The following TACC2 variants were observed in gnomAD, a reference collection of about 807,000 sequenced individuals.
The protein encoded by TACC2 is transforming acidic coiled-coil-containing protein 2.
TACC2 carries 137 observed loss-of-function variants against 227.3 expected under a neutral mutation model. That is an observed-to-expected ratio of 0.60 (90% CI 0.52 to 0.69). TACC2 has a LOEUF of 0.69. Ranked by LOEUF, TACC2 falls within the 30% of genes least tolerant of loss-of-function variation. The pLI is 0.00. For synonymous variants in TACC2, 1,523 were observed against 1,487.5 expected, an observed-to-expected ratio of 1.02 and a Z score of -0.55; for missense variants, 3,470 against 3,694.4, an observed-to-expected ratio of 0.94 and a Z score of 1.57.
At chr10:122,125,123 C>T (rs1245878975) in intron 5 of TACC2, among the ~76,000 whole-genome samples, 1 of 152,154 alleles carries the variant, frequency 6.6e-6, no homozygotes, top group African/African-American at 2.4e-5. Context: ...AAAGCATGTG[C>T]CATGCTCTAT....
intron 2 of TACC2, among the ~76,000 whole-genome samples, chr10:122,029,527 C>G (rs187902630): frequency 1.3e-5 from 2 of 152,170 alleles, no homozygotes; most frequent in Admixed American, 1.3e-4. Context: ...AGTGCTTGCT[C>G]CTGTTCTGTT....
At chr10:122,184,114 C>G (rs1034368399) in intron 7 of TACC2, among the ~76,000 whole-genome samples, 1 of 152,168 alleles carries the variant, frequency 6.6e-6, no homozygotes, top group African/African-American at 2.4e-5. Flanking sequence ...TATTCCCATT[C>G]CTGACACTTC....
intron 7 of TACC2, among the ~76,000 whole-genome samples, chr10:122,145,379 C>T (rs559984521): frequency 2.7e-5 from 4 of 147,914 alleles, no homozygotes; most frequent in Admixed American, 1.4e-4. Flanking sequence ...ATTGATGAAT[C>T]GCAAATGCAT....
intron 11 of TACC2, among the ~76,000 whole-genome samples, chr10:122,223,334 T>A (rs1589711909): frequency 2.6e-5 from 4 of 152,240 alleles, no homozygotes; most frequent in Admixed American, 2.6e-4. Flanking sequence ...CTGTGCCCTG[T>A]CCTGCTTCTC....
chr10:122,168,588 A>G (rs2093319638), intron 7 of TACC2, among the ~76,000 whole-genome samples: 1 of 152,168 alleles, frequency 6.6e-6, no homozygotes, highest in African/African-American at 2.4e-5. Context: ...GAGGTCCTCC[A>G]GGTAGCTACC....
In TACC2 at chr10:122,084,563, G is replaced by A; in HGVS notation, c.2063G>A (p.Trp688Ter). The change falls in exon 4 of 23, where the codon TGG becomes TAG. Residue 688 changes from tryptophan (W) to a stop codon, truncating the protein, a stop_gained. Coordinates refer to ENST00000369005, the MANE Select transcript of TACC2 (RefSeq NM_206862.4). LOFTEE classifies it high-confidence loss of function. ...GEPTVPEGAI[W>*]EGSGLQPKCP... The stretch of plus-strand genomic sequence containing the variant: ...CCCACTGTTCCCGAAGGAGCCATCT[G>A]GGAGGGGTCAGGATTGCAGCCCAAA... 1 of 1,613,794 alleles carries A rather than the reference G, an allele frequency of 6.2e-7. No homozygotes were observed. The highest frequency in any genetic ancestry group is 8.5e-7 in the Non-Finnish European group (1 of 1,180,028).
At chr10:122,212,799 C>G (rs1393594081) in intron 9 of TACC2, among the ~76,000 whole-genome samples, 1 of 152,218 alleles carries the variant, frequency 6.6e-6, no homozygotes, top group Non-Finnish European at 1.5e-5. Flanking sequence ...TGGAGGCCAT[C>G]CTGGCCAAAA....
chr10:122,029,636 C>T (rs1175863449), intron 2 of TACC2, among the ~76,000 whole-genome samples: 1 of 152,142 alleles, frequency 6.6e-6, no homozygotes, highest in Admixed American at 6.6e-5. Flanking sequence ...ACGAATGTGC[C>T]TGCTGGCTGG....
intron 7 of TACC2, among the ~76,000 whole-genome samples, chr10:122,165,347 G>A (rs1288195910): frequency 1.3e-5 from 2 of 152,108 alleles, no homozygotes; most frequent in African/African-American, 2.4e-5. Flanking sequence ...CAACTCTCAC[G>A]GCTCAGACCT....
At chr10:122,033,108 C>T in intron 2 of TACC2, 2 of 1,289,406 alleles carry the variant, frequency 1.6e-6, no homozygotes, top group African/African-American at 3.0e-5. Context: ...AGGACTCCGT[C>T]TTGCATAACG....
In TACC2 at chr10:122,226,393, G is replaced by A. The variant is rs748599613; in HGVS notation, c.7636G>A (p.Ala2546Thr). ...GGACGACGATGCCCCGAAGAAGCAG[G>A]CCTTGTACCTTATGTTTGACACTTC... is the stretch of plus-strand genomic sequence containing the variant. ...PQDDDAPKKQ[A>T]LYLMFDTSQE... Residue 2546 changes from alanine (A) to threonine (T), a missense_variant, in exon 13 of 23, where the codon GCC becomes ACC. Ala to Thr is a moderately conservative substitution (Grantham distance 58). This residue lies in a region of TACC2 where 345 missense variants were observed against 354.4 expected (regional missense o/e 0.97). Transcript: ENST00000369005. 4 of 1,613,932 alleles carry A rather than the reference G, an allele frequency of 2.5e-6. No individual in the cohort carries two copies. Among genetic ancestry groups the A allele is most frequent in the Admixed American group, 3.3e-5 (2 of 59,990 alleles).
chr10:122,085,034 T>C lies in TACC2; in HGVS notation c.2534T>C (p.Leu845Pro). 1 of 1,614,122 alleles carries C rather than the reference T, an allele frequency of 6.2e-7. No individual in the cohort carries two copies. Residue 845 changes from leucine to proline, a missense_variant, in exon 4 of 23, where the codon CTC becomes CCC. Transcript: ENST00000369005. ...CCAGAGACATCCATCTTTGACGTGC[T>C]CAAGGAGCAGGCCCAGCCACCTGAA... The part of the protein sequence containing the change: ...AQPETSIFDV[L>P]KEQAQPPENG...
chr10:122,238,134 T>A (rs1267958305), intron 18 of TACC2, 97 bp downstream of exon 18: 1 of 908,574 alleles, frequency 1.1e-6, no homozygotes, highest in African/African-American at 1.7e-5. Context: ...GAGTGTCTTC[T>A]GTGGAAGTTC....
intron 8 of TACC2, among the ~76,000 whole-genome samples, chr10:122,206,111 T>G (rs989496980): frequency 4.0e-5 from 6 of 150,512 alleles, no homozygotes; most frequent in African/African-American, 1.2e-4. Flanking sequence ...GAGGGGAGGA[T>G]GGAGAGGCGC....
At chr10:122,230,048 G>A (rs1271834500) in intron 15 of TACC2, among the ~76,000 whole-genome samples, 1 of 151,902 alleles carries the variant, frequency 6.6e-6, no homozygotes, top group Non-Finnish European at 1.5e-5. Context: ...CCTTAAGAAA[G>A]AAAAAGGGAA....
At chr10:122,191,157 A>T (rs1389824974) in intron 7 of TACC2, among the ~76,000 whole-genome samples, 1 of 151,284 alleles carries the variant, frequency 6.6e-6, no homozygotes, top group Non-Finnish European at 1.5e-5. Context: ...TCGCTCTGTC[A>T]TTCAGTCTGG....
At chr10:122,197,864 A>G (rs1016017972) in intron 8 of TACC2, among the ~76,000 whole-genome samples, 2 of 152,212 alleles carry the variant, frequency 1.3e-5, no homozygotes, top group African/African-American at 4.8e-5. Flanking sequence ...CCCCTCGTCC[A>G]TTCTGTAGAC....
chr10:121,995,089 G>A (rs1022746485), intron 1 of TACC2, among the ~76,000 whole-genome samples: 3 of 152,152 alleles, frequency 2.0e-5, no homozygotes, highest in Non-Finnish European at 4.4e-5. Flanking sequence ...AACCCCTAAG[G>A]CCCTGAGGGT....
intron 7 of TACC2, among the ~76,000 whole-genome samples, chr10:122,174,957 C>G (rs973721998): frequency 1.3e-5 from 2 of 152,116 alleles, no homozygotes; most frequent in African/African-American, 4.8e-5. Context: ...CTGTGGGTTT[C>G]ATTTATTTTT....
Sources: allele counts gnomAD v4.1 joint callset (sites outside exome capture counted in the v4.1 genomes callset), GRCh38; gene constraint gnomAD v4.1.1; regional missense constraint gnomAD v4.1.1; transcripts MANE v1.5; gene names NCBI Gene and HGNC (gene_info 2026-07-23, HGNC 2026-07-21).